ZMIZ1: variants seen among roughly 807,000 people sequenced by gnomAD.
ZMIZ1 encodes the protein zinc finger MIZ domain-containing protein 1.
In ZMIZ1, 17 loss-of-function variants were observed where a neutral mutation model predicts 113.9. The observed-to-expected ratio is 0.15, with a 90% CI of 0.10 to 0.22. ZMIZ1 has a LOEUF of 0.22. ZMIZ1 is among the 10% of genes least tolerant of loss of function. The probability of loss-of-function intolerance (pLI) is 1.00; values close to 1 mark genes in which losing one functional copy is unlikely to be tolerated. For missense variants in ZMIZ1, 1,059 were observed against 1,477.8 expected (o/e 0.72, Z 4.65); for synonymous variants, 607 against 603.1 (o/e 1.01, Z -0.09).
At chr10:79,258,578 A>G in intron 7 of ZMIZ1, among the ~76,000 whole-genome samples, 1 of 152,196 alleles carries the variant, frequency 6.6e-6, no homozygotes, top group East Asian at 1.9e-4. Flanking sequence ...ATCCCATTTC[A>G]TAGGTGTGAA....
At chr10:79,298,366 G>A (rs567801890) in intron 14 of ZMIZ1, 40 bp from the exon 15 acceptor site, 54 of 1,589,210 alleles carry the variant, frequency 3.4e-5, no homozygotes, top group Admixed American at 1.3e-4. Context: ...TTCTGTCTCC[G>A]TAATCCCATA....
intron 1 of ZMIZ1, among the ~76,000 whole-genome samples, chr10:79,108,366 C>T (rs1409483815): frequency 1.3e-5 from 2 of 152,148 alleles, no homozygotes; most frequent in African/African-American, 2.4e-5. Context: ...ATCTGATAAC[C>T]ACCTGCAGTG....
intron 23 of ZMIZ1, among the ~76,000 whole-genome samples, chr10:79,310,465 A>G (rs188221250): frequency 1.6e-4 from 24 of 152,272 alleles, no homozygotes; most frequent in South Asian, 4.1e-4. Flanking sequence ...CGCCCGCCCA[A>G]TGCTGTCTGT....
intron 9 of ZMIZ1, among the ~76,000 whole-genome samples, chr10:79,290,571 A>C (rs1490509784): frequency 6.6e-6 from 1 of 152,126 alleles, no homozygotes; most frequent in East Asian, 1.9e-4. Flanking sequence ...GTGTGACAAG[A>C]CGCTGGCATC....
chr10:79,131,862 A>C (rs1427161252), intron 2 of ZMIZ1, among the ~76,000 whole-genome samples: 1 of 152,100 alleles, frequency 6.6e-6, no homozygotes, highest in African/African-American at 2.4e-5. Context: ...CTTACAGAGC[A>C]GAGAAGTGGT....
chr10:79,123,963 C>T (rs537651982), intron 2 of ZMIZ1, among the ~76,000 whole-genome samples: 3 of 152,360 alleles, frequency 2.0e-5, no homozygotes, highest in South Asian at 2.1e-4. Context: ...CCTCCCACTG[C>T]GTGAAATCTG....
chr10:79,213,406 C>T (rs112510865), intron 6 of ZMIZ1, among the ~76,000 whole-genome samples: 3,547 of 152,250 alleles, frequency 0.023, 115 homozygotes, highest in African/African-American at 0.07. Context: ...CACGGTCCTG[C>T]CCTCTCTGGG....
At chr10:79,154,084 A>G (rs144266977) in intron 3 of ZMIZ1, among the ~76,000 whole-genome samples, 12 of 152,330 alleles carry the variant, frequency 7.9e-5, no homozygotes, top group African/African-American at 2.6e-4. Context: ...CAGTTCATCT[A>G]ATCCTTGAGC....
At chr10:79,172,050 G>T (rs936414869) in intron 4 of ZMIZ1, among the ~76,000 whole-genome samples, 1 of 152,166 alleles carries the variant, frequency 6.6e-6, no homozygotes, top group Non-Finnish European at 1.5e-5. Context: ...CAGAGCAACC[G>T]AGAGCTCAGG....
chr10:79,208,301 T>G, intron 5 of ZMIZ1, 35 bp from the exon 6 acceptor site: 1 of 1,592,446 alleles, frequency 6.3e-7, no homozygotes, highest in South Asian at 1.1e-5. Flanking sequence ...CCCTCACTCT[T>G]GGAGCCTCAG....
intron 4 of ZMIZ1, among the ~76,000 whole-genome samples, chr10:79,173,718 T>TA (rs2132539780): frequency 6.6e-6 from 1 of 152,356 alleles, no homozygotes; most frequent in East Asian, 1.9e-4. Context: ...AATTAGCACT[T>TA]ACCCCAGTCA....
At chr10:79,154,754 G>A (rs942549227) in intron 3 of ZMIZ1, among the ~76,000 whole-genome samples, 2 of 152,172 alleles carry the variant, frequency 1.3e-5, no homozygotes, top group Admixed American at 1.3e-4. Context: ...GTGGTTCTAC[G>A]AAGCCCAGCT....
intron 4 of ZMIZ1, among the ~76,000 whole-genome samples, chr10:79,173,668 G>T (rs79227337): frequency 6.6e-6 from 1 of 152,210 alleles, no homozygotes; most frequent in Non-Finnish European, 1.5e-5. Context: ...CCTGTAGAGT[G>T]TGTGTTATGT....
rs113712914 is a variant in ZMIZ1 at position 79,118,444 on chromosome 10, C to T, written c.-336-471C>T. ...GCGGGAGGAGGCAAGGTTGGCCAGG[C>T]GCACAGCCCACTGGAGATGAACAAG... On this transcript the variant is annotated intron_variant, in intron 1 of 24. Transcript: ENST00000334512. This position sits in a 1 kb window ranked among gnomAD's most constrained non-coding sequence, Gnocchi z 4.1. Among the ~76,000 whole-genome samples the T allele has an allele frequency of 1.6e-4, 24 of 152,258 alleles. No individual in the cohort carries two copies. Among genetic ancestry groups the T allele is most frequent in the African/African-American group, 2.6e-4 (11 of 41,554 alleles).
chr10:79,189,505 G>A lies in ZMIZ1; in HGVS notation c.-49-12079G>A, dbSNP rs530992960. ...GCAGCCTATGAAGTTGTACAATTAT[G>A]GTTACTGTTGTTATTATTTATAGAT... On this transcript the variant is annotated intron_variant, in intron 4 of 24. Transcript: ENST00000334512. Among the ~76,000 whole-genome samples the A allele has an allele frequency of 5.9e-5, 9 of 152,308 alleles. No homozygotes were observed. In the South Asian group the frequency reaches 1.9e-3, roughly 32 times the overall value.
Position 79,170,724 on chromosome 10 carries a change from G to A in ZMIZ1, c.-50+8591G>A, listed in dbSNP as rs368235120. On this transcript the variant is annotated intron_variant, in intron 4 of 24. Transcript: ENST00000334512. ...AGCATTGGAACTGCAGAATGACCCCGCAGAGCCCTCCCTGTCTTGTTACAG... is the reference window on the plus strand; with the variant it reads ...AGCATTGGAACTGCAGAATGACCCCACAGAGCCCTCCCTGTCTTGTTACAG... 8.0e-4 allele frequency among the ~76,000 whole-genome samples: 122 copies of A among 152,318 alleles called. No individual in the cohort carries two copies. The South Asian group carries it at 9.7e-3, about 12-fold the overall frequency.
At chr10:79,087,242 T>C (rs1842846899) in intron 1 of ZMIZ1, among the ~76,000 whole-genome samples, 1 of 152,344 alleles carries the variant, frequency 6.6e-6, no homozygotes, top group African/African-American at 2.4e-5. Context: ...TATTAGATGA[T>C]TTTTTGGCAG....
intron 2 of ZMIZ1, among the ~76,000 whole-genome samples, chr10:79,137,635 G>C (rs531632558): frequency 6.6e-6 from 1 of 152,332 alleles, no homozygotes; most frequent in African/African-American, 2.4e-5. Context: ...GCCGGGTGCA[G>C]ACCCAGAATG....
intron 2 of ZMIZ1, among the ~76,000 whole-genome samples, chr10:79,124,172 C>G (rs1178281583): frequency 6.6e-6 from 1 of 152,236 alleles, no homozygotes; most frequent in Non-Finnish European, 1.5e-5. Flanking sequence ...GCCTCAGTCC[C>G]ATTAAGAACT....
Sources: allele counts gnomAD v4.1 joint callset (sites outside exome capture counted in the v4.1 genomes callset), GRCh38; gene constraint gnomAD v4.1.1; non-coding constraint Gnocchi (gnomAD v3.1); transcripts MANE v1.5; gene names NCBI Gene and HGNC (gene_info 2026-07-23, HGNC 2026-07-21).